Variants in EHD1 observed in about 807,000 individuals in gnomAD.
The protein encoded by EHD1 is EH domain containing 1, also known as EH domain-containing protein 1.
In EHD1, 19 loss-of-function variants were observed where a neutral mutation model predicts 39.0. The observed-to-expected ratio is 0.49, with a 90% CI of 0.34 to 0.72. EHD1 has a LOEUF of 0.72. Among genes scored for constraint, EHD1 ranks in the 30% least tolerant of loss-of-function variants. The probability of loss-of-function intolerance (pLI) is 0.01; values close to 1 mark genes in which losing one functional copy is unlikely to be tolerated. For synonymous variants in EHD1, 323 were observed against 331.2 expected (o/e 0.98, Z 0.27); for missense variants, 542 against 751.5 (o/e 0.72, Z 3.26).
At position 64,860,245 on chromosome 11, in the gene EHD1, A is replaced by G. The variant is rs138422263; in HGVS notation, c.594T>C (p.Asp198=). The G allele has an allele frequency of 3.7e-6, 6 of 1,613,930 alleles. No individual in the cohort carries two copies. Among genetic ancestry groups the G allele is most frequent in the South Asian group, 1.1e-5 (1 of 91,088 alleles). ...LFDAHKLDIS[D]EFSEVIKALK... is the part of the protein sequence containing the mutation. ...GAGCCTTGATCACTTCCGAGAACTC[A>G]TCGGAGATGTCCAGCTTGTGGGCGT... The change falls in exon 3 of 5, where the codon GAT becomes GAC. Residue 198 remains aspartate (D), a synonymous_variant. Coordinates refer to ENST00000320631, the MANE Select transcript of EHD1 (RefSeq NM_006795.4).
At position 64,878,048 on chromosome 11, in the gene EHD1, G is replaced by C; in HGVS notation, c.404+13C>G. The C allele has an allele frequency of 6.7e-7, 1 of 1,498,144 alleles. No homozygotes were observed. The highest frequency in any genetic ancestry group is 8.8e-7 in the Non-Finnish European group (1 of 1,130,126). 92.8% of individuals were successfully genotyped at this position (1,498,144 alleles called of 1,614,324 possible). On this transcript the variant is annotated intron_variant, in intron 1 of 4. Transcript: ENST00000320631. The stretch of plus-strand genomic sequence containing the variant: ...GGACGCGCCCCCCGCCCCCTGGAGT[G>C]ATGGGTGGGTACCTGTTGAGGAAAG...
In EHD1 at chr11:64,878,332, A is replaced by G; in HGVS notation, c.133T>C (p.Phe45Leu). ...GCGTCCTCCAGCGCGGGCGAGTGGAACTCGTGGAAGCGGTAGTGCTCCTCC... is the reference window on the plus strand; with the variant it reads ...GCGTCCTCCAGCGCGGGCGAGTGGAGCTCGTGGAAGCGGTAGTGCTCCTCC... ...PLEEHYRFHEFHSPALEDADF... is the reference protein window; with the variant it reads ...PLEEHYRFHELHSPALEDADF... The change falls in exon 1 of 5, where the codon TTC becomes CTC. Residue 45 changes from phenylalanine (F) to leucine (L), a missense_variant. Phe to Leu is a conservative substitution (Grantham distance 22). Transcript: ENST00000320631. 1 of 1,613,914 alleles carries G rather than the reference A, an allele frequency of 6.2e-7. No individual in the cohort carries two copies. The highest frequency in any genetic ancestry group is 8.5e-7 in the Non-Finnish European group (1 of 1,179,974).
At chr11:64,856,116 G>A (rs150059449) in intron 3 of EHD1, 28 of 155,280 alleles carry the variant, frequency 1.8e-4, no homozygotes, top group Non-Finnish European at 3.6e-4. Context: ...AGGCTGCCTG[G>A]GGTGCTTGGC....
chr11:64,872,321 C>T (rs1036242909), intron 2 of EHD1, among the ~76,000 whole-genome samples: 1 of 152,086 alleles, frequency 6.6e-6, no homozygotes, highest in Non-Finnish European at 1.5e-5. Context: ...ATTAGCCAGG[C>T]GTGGTGGCAT....
intron 2 of EHD1, among the ~76,000 whole-genome samples, chr11:64,865,561 G>C (rs1447007206): frequency 2.0e-5 from 3 of 152,224 alleles, no homozygotes; most frequent in Non-Finnish European, 4.4e-5. Context: ...GGGTGGGCTG[G>C]AGAGAAAGGC....
intron 4 of EHD1, 166 bp downstream of exon 4, chr11:64,855,156 G>A (rs745854169): frequency 2.2e-5 from 26 of 1,160,132 alleles, no homozygotes; most frequent in Non-Finnish European, 2.8e-5. Flanking sequence ...CAGTGTCACC[G>A]CCTGGGTCAA....
chr11:64,874,634 G>C, intron 1 of EHD1, 116 bp from the exon 2 acceptor site: 3 of 815,860 alleles, frequency 3.7e-6, no homozygotes, highest in Non-Finnish European at 5.3e-6. Context: ...CTCCAGCAGC[G>C]GGGAACTGAC....
At chr11:64,858,145 A>C (rs1195330318) in intron 3 of EHD1, among the ~76,000 whole-genome samples, 4 of 147,938 alleles carry the variant, frequency 2.7e-5, no homozygotes, top group African/African-American at 2.5e-5. Context: ...AAGTGCTGGG[A>C]TTACAGGCGT....
chr11:64,874,289 G>A (rs1943861680), intron 2 of EHD1, 132 bp downstream of exon 2: 1 of 804,242 alleles, frequency 1.2e-6, no homozygotes, highest in Non-Finnish European at 1.8e-6. Context: ...GGGTGACAGA[G>A]TAAGACTCCG....
At chr11:64,869,049 C>T (rs921573322) in intron 2 of EHD1, among the ~76,000 whole-genome samples, 1 of 152,184 alleles carries the variant, frequency 6.6e-6, no homozygotes, top group African/African-American at 2.4e-5. Context: ...CTTATTTACT[C>T]GCAGGATTTG....
In EHD1 at chr11:64,878,259, G is replaced by A. The variant is rs1263992665; in HGVS notation, c.206C>T (p.Thr69Met). 8 of 1,614,146 alleles carry A rather than the reference G, an allele frequency of 5.0e-6. No individual in the cohort carries two copies. The highest frequency in any genetic ancestry group is 6.8e-6 in the Non-Finnish European group (8 of 1,180,022). Residue 69 changes from threonine (T) to methionine (M), a missense_variant, in exon 1 of 5, where the codon ACG becomes ATG. By Grantham distance (81) the Thr-to-Met change is moderately conservative (BLOSUM62 -1). Coordinates refer to ENST00000320631, the MANE Select transcript of EHD1 (RefSeq NM_006795.4). Reference protein sequence around the residue: ...PMVLLVGQYSTGKTTFIRHLI... With the variant: ...PMVLLVGQYSMGKTTFIRHLI... Reference sequence around the variant, plus strand: ...GTGTCGGATGAAGGTGGTCTTGCCCGTGCTGTACTGCCCCACGAGGAGCAC... The same window carrying A: ...GTGTCGGATGAAGGTGGTCTTGCCCATGCTGTACTGCCCCACGAGGAGCAC...
At chr11:64,854,909 C>A in intron 4 of EHD1, 52 bp from the exon 5 acceptor site, 2 of 1,571,866 alleles carry the variant, frequency 1.3e-6, no homozygotes, top group East Asian at 2.2e-5. Context: ...CCCTCCCAGA[C>A]TCCAGGCCAA....
At chr11:64,862,760 G>T (rs61886110) in intron 2 of EHD1, among the ~76,000 whole-genome samples, 2,380 of 152,290 alleles carry the variant, frequency 0.016, 32 homozygotes, top group Non-Finnish European at 0.027. Flanking sequence ...TGTAGTCCCA[G>T]CTACTTGGGA....
upstream of EHD1, chr11:64,878,695 C>A (rs1462716309): frequency 1.0e-5 from 14 of 1,354,948 alleles, no homozygotes; most frequent in South Asian, 9.4e-5. Context: ...GCGGCGGGGG[C>A]AGGGCGGAAT....
intron 3 of EHD1, among the ~76,000 whole-genome samples, chr11:64,858,545 T>C (rs1943678924): frequency 6.6e-6 from 1 of 152,184 alleles, no homozygotes; most frequent in Admixed American, 6.5e-5. Context: ...AATAGCTAGG[T>C]GCCCTGCTGA....
chr11:64,855,838 C>T, intron 3 of EHD1: 1 of 301,754 alleles, frequency 3.3e-6, no homozygotes, highest in Non-Finnish European at 6.4e-6. Context: ...TACCACTGGG[C>T]ACATCACACA....
chr11:64,879,541 C>T, upstream of EHD1: 1 of 1,543,156 alleles, frequency 6.5e-7, no homozygotes, highest in Non-Finnish European at 8.7e-7. Flanking sequence ...AACCCAAATA[C>T]TTCCACTTTC....
At chr11:64,864,586 T>TAAAA (rs1943748581) in intron 2 of EHD1, among the ~76,000 whole-genome samples, 1 of 152,206 alleles carries the variant, frequency 6.6e-6, no homozygotes, top group Non-Finnish European at 1.5e-5. Context: ...CAGCCTTTTA[T>TAAAA]GGCCAGCTCT....
At chr11:64,879,239 G>A (rs1483104752), upstream of EHD1, 3 of 1,104,184 alleles carry the variant, frequency 2.7e-6, no homozygotes, top group East Asian at 1.9e-4. Flanking sequence ...TGGTGACTGG[G>A]GAAAGAAAAA....
Sources: allele counts gnomAD v4.1 joint callset (sites outside exome capture counted in the v4.1 genomes callset), GRCh38; gene constraint gnomAD v4.1.1; transcripts MANE v1.5; gene names NCBI Gene and HGNC (gene_info 2026-07-23, HGNC 2026-07-21).